Variants in RGS6 observed in about 807,000 individuals in gnomAD.
RGS6 encodes the protein regulator of G protein signaling 6.
Under a neutral mutation model 78.5 loss-of-function variants are expected in RGS6, and 30 were observed. That is an observed-to-expected ratio of 0.38 (90% confidence interval 0.29 to 0.52). The LOEUF (loss-of-function observed/expected upper bound fraction) is 0.52. RGS6 is among the 20% of genes least tolerant of loss of function. The pLI is 0.85. For missense variants in RGS6, 495 were observed against 609.7 expected (o/e 0.81, Z 1.98); for synonymous variants, 206 against 206.0 (o/e 1.00, Z 0.00).
chr14:72,215,053 A>C (rs1015332871), intron 2 of RGS6, among the ~76,000 whole-genome samples: 1 of 152,180 alleles, frequency 6.6e-6, no homozygotes, highest in Non-Finnish European at 1.5e-5. Flanking sequence ...TCCTTTAGTG[A>C]GTTCCAGGTA....
Position 72,115,179 on chromosome 14 carries a change from C to T in RGS6, c.84+150304C>T, listed in dbSNP as rs77256264. On this transcript the variant is annotated intron_variant, in intron 2 of 17. Coordinates refer to ENST00000553525, the MANE Select transcript of RGS6 (RefSeq NM_001204424.2). ...GAAGGCACCAAATCTTCAACCCTAG[C>T]GCTCGCTCAGGGTTTGATTAGAGAA... Among the ~76,000 whole-genome samples, 862 of 152,270 alleles carry T rather than the reference C, an allele frequency of 5.7e-3. 3 individuals carry two copies. The highest frequency in any genetic ancestry group is 0.017 in the Middle Eastern group (5 of 294).
chr14:72,102,533 T>A (rs2095549076), intron 2 of RGS6, among the ~76,000 whole-genome samples: 1 of 152,162 alleles, frequency 6.6e-6, no homozygotes, highest in Non-Finnish European at 1.5e-5. Flanking sequence ...ACAAGATACG[T>A]ATTATCTCTA....
In RGS6 at chr14:71,959,212, C is replaced by T. The variant is rs535451866; in HGVS notation, c.-20-5560C>T. Among the ~76,000 whole-genome samples the T allele has an allele frequency of 7.9e-5, 12 of 152,302 alleles. No homozygotes were observed. In the East Asian group the frequency reaches 1.5e-3, roughly 20 times the overall value. On this transcript the variant is annotated intron_variant, in intron 1 of 17. Transcript: ENST00000553525. ...TTAGAGCTGTTGTTCTTCCTTCTTT[C>T]CCCTTGGGATTCCTGCCCACTCAGT...
At chr14:71,928,451 G>GT (rs1285381600), upstream of RGS6, among the ~76,000 whole-genome samples, 1 of 152,174 alleles carries the variant, frequency 6.6e-6, no homozygotes, top group African/African-American at 2.4e-5. Flanking sequence ...TGAATGCGCA[G>GT]TCTTGGTCAA....
At chr14:72,297,034 T>C (rs2152376446) in intron 2 of RGS6, among the ~76,000 whole-genome samples, 1 of 152,304 alleles carries the variant, frequency 6.6e-6, no homozygotes, top group East Asian at 1.9e-4. Flanking sequence ...TGAAAAGATG[T>C]TTCTTTTTCA....
chr14:72,455,488 C>T (rs1039106131), intron 4 of RGS6, among the ~76,000 whole-genome samples: 2 of 152,134 alleles, frequency 1.3e-5, no homozygotes, highest in South Asian at 4.1e-4. Flanking sequence ...GTATTTTAAC[C>T]CAACATTTCT....
chr14:72,624,013 A>T, the RGS6 span, among the ~76,000 whole-genome samples: 1 of 152,350 alleles, frequency 6.6e-6, no homozygotes, highest in African/African-American at 2.4e-5. Flanking sequence ...CAAAGATGGG[A>T]CAATTTTACC....
chr14:72,374,314 C>G (rs1354921717), intron 3 of RGS6, among the ~76,000 whole-genome samples: 5 of 151,834 alleles, frequency 3.3e-5, no homozygotes, highest in African/African-American at 1.2e-4. Context: ...TGTTCAATTC[C>G]TACCTATGAG....
chr14:72,465,808 G>C lies in RGS6; in HGVS notation c.445G>C (p.Ala149Pro). 1 of 1,613,234 alleles carries C rather than the reference G, an allele frequency of 6.2e-7. No individual in the cohort carries two copies. The highest frequency in any genetic ancestry group is 8.5e-7 in the Non-Finnish European group (1 of 1,179,248). ...TMQNKARLEL[A>P]DYEAENLARL... ...GCAAAATAAAGCAAGGCTGGAACTG[G>C]CAGATTATGAAGCAGTAAGTATGAT... The change falls in exon 7 of 18, where the codon GCA becomes CCA. Residue 149 changes from alanine to proline, a missense_variant. Physicochemically the swap from Ala to Pro is conservative, Grantham distance 27. Coordinates refer to ENST00000553525, the MANE Select transcript of RGS6 (RefSeq NM_001204424.2).
At chr14:72,587,968 A>T in the RGS6 span, among the ~76,000 whole-genome samples, 11 of 152,128 alleles carry the variant, frequency 7.2e-5, no homozygotes, top group Non-Finnish European at 1.6e-4. Context: ...GCTTGACCAG[A>T]TGTCTTGGGG....
At chr14:72,616,109 A>G in the RGS6 span, among the ~76,000 whole-genome samples, 1 of 152,128 alleles carries the variant, frequency 6.6e-6, no homozygotes. Context: ...ATCTTTACCA[A>G]TGTCACCTTG....
intron 2 of RGS6, among the ~76,000 whole-genome samples, chr14:71,989,298 C>T (rs1437731880): frequency 6.6e-6 from 1 of 152,252 alleles, no homozygotes; most frequent in Non-Finnish European, 1.5e-5. Context: ...CTCTTCTTCA[C>T]AGACCATGCT....
intron 3 of RGS6, among the ~76,000 whole-genome samples, chr14:72,383,181 T>TATATAA (rs2086702485): frequency 2.7e-5 from 2 of 74,696 alleles, no homozygotes; most frequent in African/African-American, 1.4e-4. Context: ...ATTGTACATA[T>TATATAA]ATATATATAT....
intron 2 of RGS6, among the ~76,000 whole-genome samples, chr14:72,259,732 C>G (rs1442880511): frequency 6.6e-6 from 1 of 151,524 alleles, no homozygotes; most frequent in African/African-American, 2.4e-5. Context: ...ATGGTGAAAC[C>G]TCGTCTCTAC....
the RGS6 span, among the ~76,000 whole-genome samples, chr14:72,572,347 T>C: frequency 6.6e-6 from 1 of 152,132 alleles, no homozygotes; most frequent in Admixed American, 6.5e-5. Flanking sequence ...TGAACACAAG[T>C]GTTCATAGCA....
At chr14:71,882,763 GA>G in the RGS6 span, among the ~76,000 whole-genome samples, 1 of 152,212 alleles carries the variant, frequency 6.6e-6, no homozygotes, top group Non-Finnish European at 1.5e-5. Flanking sequence ...AAGAGTGAAA[GA>G]AAGAGAAAAT....
chr14:71,911,739 T>C, the RGS6 span, among the ~76,000 whole-genome samples: 47 of 152,298 alleles, frequency 3.1e-4, no homozygotes, highest in African/African-American at 1.1e-3. Flanking sequence ...GCTTTATTTC[T>C]TATAAAGGAA....
chr14:72,069,266 C>G (rs1035064939), intron 2 of RGS6, among the ~76,000 whole-genome samples: 2 of 152,188 alleles, frequency 1.3e-5, no homozygotes, highest in African/African-American at 4.8e-5. Context: ...AGCCACTGCA[C>G]CTGGCTCTTT....
the RGS6 span, among the ~76,000 whole-genome samples, chr14:71,888,767 A>G: frequency 2.0e-5 from 3 of 152,202 alleles, no homozygotes; most frequent in South Asian, 6.2e-4. Flanking sequence ...GAGGACCTAC[A>G]TTGGTCTAAA....
Sources: gnomAD v4.1 joint callset for allele counts (sites outside exome capture counted in the v4.1 genomes callset) on GRCh38, gnomAD v4.1.1 for gene constraint, MANE v1.5 for transcripts, NCBI Gene and HGNC (gene_info 2026-07-23, HGNC 2026-07-21) for gene names.